The following TMEM245 variants were observed in gnomAD, a reference collection of about 807,000 sequenced individuals.
TMEM245 encodes transmembrane protein 245, also known as protein CG-2.
Under a neutral mutation model 101.2 loss-of-function variants are expected in TMEM245, and 69 were observed. That is an observed-to-expected ratio of 0.68 (90% CI 0.56 to 0.83). The LOEUF is 0.83. TMEM245 is among the 40% of genes least tolerant of loss of function. The pLI is 0.00. For synonymous variants in TMEM245, 537 were observed against 449.8 expected (o/e 1.19, Z -2.45); for missense variants, 1,075 against 1,092.8 (o/e 0.98, Z 0.23).
At chr9:109,083,718 A>C (rs1259863681) in intron 7 of TMEM245, among the ~76,000 whole-genome samples, 10 of 151,588 alleles carry the variant, frequency 6.6e-5, no homozygotes, top group Non-Finnish European at 1.5e-4. Context: ...CTTTGTTTTT[A>C]AACAAAATTC....
Position 109,119,430 on chromosome 9 carries a change from G to C in TMEM245, c.484C>G (p.Leu162Val). Reference protein sequence around the residue: ...LGAGGPLLYGLYCLGSYLGVQ... With the variant: ...LGAGGPLLYGVYCLGSYLGVQ... ...CCCAAGTAGCTGCCGAGGCAGTAGA[G>C]GCCGTACAGGAGCGGGCCGCCGGCG... Residue 162 changes from leucine to valine, a missense_variant, in exon 1 of 18, where the codon CTC (leucine) becomes GTC (valine). Physicochemically the swap from Leu to Val is conservative, Grantham distance 32. Coordinates refer to ENST00000374586, the MANE Select transcript of TMEM245 (RefSeq NM_032012.4). The C allele has an allele frequency of 6.6e-7, 1 of 1,521,088 alleles. No homozygotes were observed. Among genetic ancestry groups the C allele is most frequent in the Non-Finnish European group, 8.8e-7 (1 of 1,139,522 alleles). 94.2% of individuals were successfully genotyped at this position (1,521,088 alleles called of 1,614,324 possible).
intron 9 of TMEM245, among the ~76,000 whole-genome samples, chr9:109,069,906 T>C (rs182586279): frequency 6.6e-6 from 1 of 152,336 alleles, no homozygotes; most frequent in East Asian, 1.9e-4. Context: ...ACCAATTAAA[T>C]GAACTGCTCT....
intron 1 of TMEM245, among the ~76,000 whole-genome samples, chr9:109,114,225 T>C (rs368799774): frequency 4.6e-5 from 7 of 152,230 alleles, no homozygotes; most frequent in Admixed American, 2.0e-4. Flanking sequence ...CTTTGTCATA[T>C]GGCAACTTAG....
chr9:109,084,370 A>ATGGAATCAT (rs1216158408), intron 7 of TMEM245, among the ~76,000 whole-genome samples: 3 of 152,330 alleles, frequency 2.0e-5, no homozygotes, highest in African/African-American at 7.2e-5. Flanking sequence ...ACTATGTTAT[A>ATGGAATCAT]TGGAATCATC....
intron 14 of TMEM245, among the ~76,000 whole-genome samples, chr9:109,049,246 C>T (rs1191697183): frequency 1.3e-5 from 2 of 152,202 alleles, no homozygotes; most frequent in East Asian, 1.9e-4. Context: ...TAGGGTCTTA[C>T]TCTGTTGCCT....
At chr9:109,068,351 C>CTT (rs1207499227) in intron 9 of TMEM245, among the ~76,000 whole-genome samples, 9 of 117,720 alleles carry the variant, frequency 7.6e-5, no homozygotes, top group South Asian at 5.7e-4. Context: ...GCCTGGGCGA[C>CTT]AGAGCAAGAC....
intron 12 of TMEM245, among the ~76,000 whole-genome samples, chr9:109,055,953 C>T (rs1012964952): frequency 1.3e-5 from 2 of 152,022 alleles, no homozygotes; most frequent in Admixed American, 6.6e-5. Context: ...GTTTCAAAGG[C>T]AAGTTGAAGC....
At chr9:109,067,272 G>C (rs1829199186) in intron 9 of TMEM245, among the ~76,000 whole-genome samples, 1 of 152,132 alleles carries the variant, frequency 6.6e-6, no homozygotes, top group African/African-American at 2.4e-5. Flanking sequence ...TCCCTCAAGA[G>C]ACATGGGGCC....
intron 17 of TMEM245, among the ~76,000 whole-genome samples, chr9:109,023,227 G>T (rs1300545314): frequency 6.6e-6 from 1 of 152,148 alleles, no homozygotes; most frequent in Non-Finnish European, 1.5e-5. Flanking sequence ...GGAGGGGGAG[G>T]TGTGTGTATC....
intron 12 of TMEM245, among the ~76,000 whole-genome samples, chr9:109,054,445 T>C (rs1220610620): frequency 6.6e-6 from 1 of 152,074 alleles, no homozygotes; most frequent in Non-Finnish European, 1.5e-5. Context: ...GTACAAACAC[T>C]AAAGTGTCAA....
In TMEM245 at chr9:109,019,016, A is replaced by G. The variant is rs1327038771; in HGVS notation, c.*1444T>C. The G allele has an allele frequency of 1.4e-5, 2 of 141,478 alleles. No individual in the cohort carries two copies. Among genetic ancestry groups the G allele is most frequent in the Non-Finnish European group, 3.0e-5 (2 of 67,370 alleles). 8.8% of individuals were successfully genotyped at this position (141,478 alleles called of 1,614,324 possible). A position where few individuals can be genotyped will look rare whatever the true frequency, so the allele number is the denominator to read the frequency against. On this transcript the variant is annotated 3_prime_UTR_variant, in exon 18 of 18. Transcript: ENST00000374586. ...CACCTCAGCCTTCCAAAGTGCTGGGATTACAGATGTGAGCCACCACCTACA... is the reference window on the plus strand; with the variant it reads ...CACCTCAGCCTTCCAAAGTGCTGGGGTTACAGATGTGAGCCACCACCTACA...
rs1829391304 is a variant in TMEM245 at position 109,073,377 on chromosome 9, G to C, written c.1511C>G (p.Ala504Gly). The change falls in exon 9 of 18, where the codon GCA (alanine) becomes GGA (glycine). Residue 504 changes from alanine (A) to glycine (G), a missense_variant. Transcript: ENST00000374586. ...VTSNLINETL[A>G]NHPEWANWLP... is the part of the protein sequence containing the mutation. ...TTACTTTGCCCACTCAGGGTGATTT[G>C]CTAGAGTTTCATTAATCAAATTACT... is the stretch of plus-strand genomic sequence containing the variant. 6.2e-7 allele frequency: 1 copy of C among 1,612,644 alleles called. No individual in the cohort carries two copies. The highest frequency in any genetic ancestry group is 1.1e-5 in the South Asian group (1 of 91,064).
chr9:109,081,757 T>C (rs1304854989), intron 7 of TMEM245, among the ~76,000 whole-genome samples: 2 of 152,218 alleles, frequency 1.3e-5, no homozygotes, highest in Non-Finnish European at 2.9e-5. Context: ...ATGACTATAA[T>C]TGATATAATC....
intron 14 of TMEM245, among the ~76,000 whole-genome samples, chr9:109,049,628 A>C (rs962041969): frequency 6.6e-6 from 1 of 152,156 alleles, no homozygotes; most frequent in Non-Finnish European, 1.5e-5. Flanking sequence ...GGAGTTTGAG[A>C]CCAGCCTGGC....
chr9:109,095,674 T>C (rs1173936009), intron 3 of TMEM245, among the ~76,000 whole-genome samples: 5 of 152,214 alleles, frequency 3.3e-5, no homozygotes, highest in African/African-American at 9.6e-5. Flanking sequence ...TGAAATTTTA[T>C]TGAGATAAAA....
At chr9:109,028,077 T>C (rs1428247390) in intron 17 of TMEM245, among the ~76,000 whole-genome samples, 1 of 152,302 alleles carries the variant, frequency 6.6e-6, no homozygotes, top group South Asian at 2.1e-4. Context: ...TCTGAAATGC[T>C]TGGGACCAGA....
At chr9:109,032,591 T>C (rs970299627) in intron 17 of TMEM245, among the ~76,000 whole-genome samples, 1 of 150,998 alleles carries the variant, frequency 6.6e-6, no homozygotes, top group Non-Finnish European at 1.5e-5. Flanking sequence ...TTTTACCATG[T>C]TGGCCAGGCT....
intron 12 of TMEM245, among the ~76,000 whole-genome samples, chr9:109,056,751 G>C (rs550458112): frequency 6.6e-6 from 1 of 152,294 alleles, no homozygotes; most frequent in East Asian, 1.9e-4. Context: ...ACAAAATATG[G>C]TATGGAATGA....
chr9:109,119,152 C>A (rs1368566854), intron 1 of TMEM245, among the ~76,000 whole-genome samples, 183 bp downstream of exon 1: 1 of 152,340 alleles, frequency 6.6e-6, no homozygotes, highest in East Asian at 1.9e-4. Context: ...ATCACGCCCG[C>A]CCCCTTTTTG....
Sources: allele counts gnomAD v4.1 joint callset (sites outside exome capture counted in the v4.1 genomes callset), GRCh38; gene constraint gnomAD v4.1.1; transcripts MANE v1.5; gene names NCBI Gene and HGNC (gene_info 2026-07-23, HGNC 2026-07-21).